The following RECQL5 variants were observed in gnomAD, a reference collection of about 807,000 sequenced individuals.
RECQL5 encodes ATP-dependent DNA helicase Q5.
Under a neutral mutation model 103.4 loss-of-function variants are expected in RECQL5, and 88 were observed. The observed-to-expected ratio is 0.85, with a 90% CI of 0.72 to 1.02. RECQL5 has a LOEUF of 1.02. RECQL5 is among the 50% of genes least tolerant of loss of function. The pLI is 0.00. For synonymous variants in RECQL5, 552 were observed against 507.9 expected, an observed-to-expected ratio of 1.09 and a Z score of -1.17; for missense variants, 1,232 against 1,284.3, an observed-to-expected ratio of 0.96 and a Z score of 0.62.
chr17:75,628,385 CGACG>C lies in RECQL5; in HGVS notation c.2634_2637del (p.Val879Ter). 1 of 1,613,998 alleles carries C rather than the reference CGACG, an allele frequency of 6.2e-7. No individual in the cohort carries two copies. The highest frequency in any genetic ancestry group is 8.5e-7 in the Non-Finnish European group (1 of 1,180,030). ...GAGACGCTGCCCTTGACCTCAGCTA[CGACG>C]GAGGGCTTGGCTGAGGGGCGTGGCC... On this transcript the variant is annotated frameshift_variant, in exon 18 of 20. Transcript: ENST00000317905. LOFTEE classifies it high-confidence loss of function.
intron 9 of RECQL5, 76 bp from the exon 10 acceptor site, chr17:75,631,325 T>A (rs570715217): frequency 6.5e-7 from 1 of 1,535,632 alleles, no homozygotes; most frequent in Non-Finnish European, 9.0e-7. Flanking sequence ...AGAACGGCAA[T>A]GTCCCTGATG....
intron 5 of RECQL5, 65 bp from the exon 6 acceptor site, chr17:75,661,131 T>C: frequency 1.5e-6 from 2 of 1,323,058 alleles, no homozygotes; most frequent in Admixed American, 1.7e-5. Flanking sequence ...GGGGCCTATT[T>C]TGGGTTTGAC....
intron 6 of RECQL5, among the ~76,000 whole-genome samples, chr17:75,660,635 CTA>C (rs770041284): frequency 4.6e-5 from 7 of 152,214 alleles, no homozygotes; most frequent in Non-Finnish European, 7.3e-5. Flanking sequence ...AGGTGCATGA[CTA>C]TAGTTCCTTT....
intron 8 of RECQL5, among the ~76,000 whole-genome samples, chr17:75,643,301 G>T (rs2059454059): frequency 6.6e-6 from 1 of 152,246 alleles, no homozygotes; most frequent in African/African-American, 2.4e-5. Context: ...GAGGCCCTTT[G>T]TTAGAAAATA....
rs2148266791 is a variant in RECQL5 at position 75,636,401 on chromosome 17, T to C, written c.1230-4733A>G. Among the ~76,000 whole-genome samples, 1 of 152,284 alleles carries C rather than the reference T, an allele frequency of 6.6e-6. No homozygotes were observed. Among genetic ancestry groups the C allele is most frequent in the African/African-American group, 2.4e-5 (1 of 41,560 alleles). ...GACGGGAAAAATATGGGATCATCAG[T>C]AGCCCTCCTGGGCTTCCCTGCCTTC... On this transcript the variant is annotated intron_variant, in intron 8 of 19. Coordinates refer to ENST00000317905, the MANE Select transcript of RECQL5 (RefSeq NM_004259.7). This position sits in a 1 kb window ranked among gnomAD's most constrained non-coding sequence, Gnocchi z 5.4.
chr17:75,631,098 G>A (rs2059204492), intron 10 of RECQL5, 52 bp downstream of exon 10: 18 of 1,608,410 alleles, frequency 1.1e-5, no homozygotes, highest in Admixed American at 1.7e-5. Context: ...TGAGAGGTGC[G>A]AGCAGGGGGC....
At chr17:75,630,903 G>T (rs9896073) in intron 11 of RECQL5, 66 bp from the exon 12 acceptor site, 11 of 1,581,632 alleles carry the variant, frequency 7.0e-6, no homozygotes, top group South Asian at 6.8e-5. Context: ...GTCCCCCACA[G>T]CCCGGATGAG....
intron 1 of RECQL5, 169 bp from the exon 2 acceptor site, chr17:75,666,740 C>G (rs373136398): frequency 4.8e-6 from 3 of 622,584 alleles, no homozygotes; most frequent in Non-Finnish European, 2.8e-6. Flanking sequence ...ATACATTCCT[C>G]AGTAATTAAC....
intron 8 of RECQL5, chr17:75,633,395 T>C: frequency 7.9e-7 from 1 of 1,268,606 alleles, no homozygotes; most frequent in Non-Finnish European, 1.0e-6. Context: ...GCCCCTGGAC[T>C]CTGGAGCCCT....
chr17:75,658,205 CTTACACAAGCA>C, intron 7 of RECQL5, 82 bp downstream of exon 7: 1 of 1,422,590 alleles, frequency 7.0e-7, no homozygotes, highest in Non-Finnish European at 9.6e-7. Context: ...CCTCCTCTAG[CTTACACAAGCA>C]TCATCAGAGT....
At chr17:75,650,832 T>G in intron 8 of RECQL5, 1 of 1,493,686 alleles carries the variant, frequency 6.7e-7, no homozygotes, top group African/African-American at 1.4e-5. Flanking sequence ...ACTCAAGTGA[T>G]GCCAGAAGTC....
rs1047435169 is a variant in RECQL5, at chr17:75,640,913, TGAG to T, written c.1230-9248_1230-9246del. On this transcript the variant is annotated intron_variant, in intron 8 of 19. Coordinates refer to ENST00000317905, the MANE Select transcript of RECQL5 (RefSeq NM_004259.7). The surrounding 1 kb of genome is among the most constrained non-coding windows in gnomAD (Gnocchi z 4.6). ...ACCACCATGACGGACGGGCGATGGC[TGAG>T]GAGAAGCTGGAGAGGAGATGGCCAA... 16 of 1,540,426 alleles carry T rather than the reference TGAG, an allele frequency of 1.0e-5. No individual in the cohort carries two copies. The highest frequency in any genetic ancestry group is 1.3e-5 in the Non-Finnish European group (15 of 1,146,362).
Position 75,663,060 on chromosome 17 carries a change from C to T in RECQL5, c.253-63G>A, listed in dbSNP as rs1005983537. The T allele has an allele frequency of 4.7e-6, 7 of 1,488,298 alleles. No individual in the cohort carries two copies. The African/African-American group carries it at 9.8e-5, about 21-fold the overall frequency. The allele number at this position is 1,488,298 out of a possible 1,614,324, so 92.2% of individuals were successfully genotyped here. On this transcript the variant is annotated intron_variant, in intron 3 of 19. Coordinates refer to ENST00000317905, the MANE Select transcript of RECQL5 (RefSeq NM_004259.7). ...ACTCAGGTAAACATCACTGCAAGTC[C>T]CTGGAGGATTTCCCAGTCATAAACT... is the stretch of plus-strand genomic sequence containing the variant.
Position 75,626,892 on chromosome 17 carries a change from A to G in RECQL5, c.*530T>C, listed in dbSNP as rs2059096674. 2.8e-6 allele frequency: 1 copy of G among 362,472 alleles called. No individual in the cohort carries two copies. Among genetic ancestry groups the G allele is most frequent in the Non-Finnish European group, 5.3e-6 (1 of 188,780 alleles). The allele number at this position is 362,472 out of a possible 1,614,324, so 22.5% of individuals were successfully genotyped here. A position where few individuals can be genotyped will look rare whatever the true frequency, so the allele number is the denominator to read the frequency against. ...GCATGCCCCACAACAACACAACTTT[A>G]TTCCTCTCCCAAACATCTGTCAGGC... On this transcript the variant is annotated 3_prime_UTR_variant, in exon 20 of 20. Transcript: ENST00000317905.
chr17:75,634,715 A>G (rs1203295623), intron 8 of RECQL5, among the ~76,000 whole-genome samples: 3 of 152,182 alleles, frequency 2.0e-5, no homozygotes, highest in Non-Finnish European at 2.9e-5. Context: ...TGGTGTTCTC[A>G]GCTCACGGCT....
intron 7 of RECQL5, among the ~76,000 whole-genome samples, chr17:75,652,014 G>A (rs559070244): frequency 6.6e-6 from 1 of 152,090 alleles, no homozygotes; most frequent in African/African-American, 2.4e-5. Context: ...ATCACCTGGG[G>A]TCAAGAGTTC....
intron 8 of RECQL5, chr17:75,634,070 G>C (rs2059272738): frequency 3.0e-6 from 3 of 985,636 alleles, no homozygotes; most frequent in Non-Finnish European, 3.6e-6. Flanking sequence ...AGAGACAGCA[G>C]CTGGCTGTCA....
chr17:75,658,533 C>T lies in RECQL5; in HGVS notation c.987-73G>A. 4 of 1,461,374 alleles carry T rather than the reference C, an allele frequency of 2.7e-6. No homozygotes were observed. In the South Asian group the frequency reaches 4.8e-5, roughly 17 times the overall value. 90.5% of individuals were successfully genotyped at this position (1,461,374 alleles called of 1,614,324 possible). Reference sequence around the variant, plus strand: ...GTGTCCTTTGGAGGAGTAATCATGACTAGGAGAGCAGGGAGGCCAGCAGAT... The same window carrying T: ...GTGTCCTTTGGAGGAGTAATCATGATTAGGAGAGCAGGGAGGCCAGCAGAT... On this transcript the variant is annotated intron_variant, in intron 6 of 19. Transcript: ENST00000317905.
In RECQL5 at chr17:75,665,084, G is replaced by A; in HGVS notation, c.219C>T (p.Thr73=). The A allele has an allele frequency of 6.2e-7, 1 of 1,611,998 alleles. No homozygotes were observed. Among genetic ancestry groups the A allele is most frequent in the Non-Finnish European group, 8.5e-7 (1 of 1,179,284 alleles). ...AAGCAATGAGAGGAGAGACTACAAT[G>A]GTGATGCCTTTGGCCAACAGAGCAG... The part of the protein sequence containing the change: ...QLPALLAKGI[T]IVVSPLIALI... The change falls in exon 3 of 20, where the codon ACC becomes ACT. Residue 73 remains threonine (T), a synonymous_variant. Transcript: ENST00000317905.
Sources: allele counts gnomAD v4.1 joint callset (sites outside exome capture counted in the v4.1 genomes callset), GRCh38; gene constraint gnomAD v4.1.1; non-coding constraint Gnocchi (gnomAD v3.1); transcripts MANE v1.5; gene names NCBI Gene and HGNC (gene_info 2026-07-23, HGNC 2026-07-21).